Variants in CDC45 observed in about 807,000 individuals in gnomAD.
The protein encoded by CDC45 is cell division cycle 45.
A neutral mutation model predicts 77.8 loss-of-function variants in CDC45; 54 were observed. The observed-to-expected ratio is 0.69, with a 90% confidence interval of 0.56 to 0.87. The LOEUF (loss-of-function observed/expected upper bound fraction) is 0.87, where lower values mean the gene tolerates loss of function less well. Ranked by LOEUF, CDC45 falls within the 40% of genes least tolerant of loss-of-function variation. The pLI is 0.00. For synonymous variants in CDC45, 260 were observed against 272.1 expected (o/e 0.96, Z 0.44); for missense variants, 649 against 721.6 (o/e 0.90, Z 1.15).
Position 19,509,981 on chromosome 22 carries a change from A to G in CDC45, c.1217+1290A>G, listed in dbSNP as rs181339205. ...ATTTATTTTATTGTTATTTTTTTAG[A>G]GACAGGGTCTCGCTCTGTTGCCCAG... On this transcript the variant is annotated intron_variant, in intron 13 of 18. Transcript: ENST00000263201. 9.9e-5 allele frequency among the ~76,000 whole-genome samples: 15 copies of G among 152,228 alleles called. 1 individual carries two copies. In the East Asian group the frequency reaches 2.9e-3, roughly 29 times the overall value.
chr22:19,486,525 G>T (rs1027030079), intron 5 of CDC45, among the ~76,000 whole-genome samples: 1 of 151,810 alleles, frequency 6.6e-6, no homozygotes, highest in African/African-American at 2.4e-5. Flanking sequence ...GTTTCTTCAT[G>T]GAGTACTTTA....
intron 18 of CDC45, among the ~76,000 whole-genome samples, chr22:19,519,439 C>G (rs1340306942): frequency 1.3e-5 from 2 of 152,282 alleles, no homozygotes; most frequent in African/African-American, 4.8e-5. Context: ...TTGGGATTCA[C>G]TGGCAGGTCA....
chr22:19,507,247 G>A (rs1294159899), intron 10 of CDC45, 139 bp from the exon 11 acceptor site: 1 of 996,454 alleles, frequency 1.0e-6, no homozygotes, highest in African/African-American at 1.6e-5. Flanking sequence ...AAGGGCTCCA[G>A]GTCACTCTTG....
intron 9 of CDC45, among the ~76,000 whole-genome samples, chr22:19,501,654 C>T (rs1932905928): frequency 6.6e-6 from 1 of 152,130 alleles, no homozygotes; most frequent in Non-Finnish European, 1.5e-5. Flanking sequence ...TTTAAGTTTG[C>T]CTAGATTACT....
intron 8 of CDC45, among the ~76,000 whole-genome samples, chr22:19,498,640 G>T (rs144198795): frequency 7.4e-4 from 112 of 152,338 alleles, no homozygotes; most frequent in Non-Finnish European, 1.4e-3. Flanking sequence ...CACAACTAGG[G>T]CCCCCTGTGC....
intron 5 of CDC45, 56 bp from the exon 6 acceptor site, chr22:19,494,271 G>A: frequency 6.6e-7 from 1 of 1,514,480 alleles, no homozygotes; most frequent in South Asian, 1.2e-5. Context: ...TTGGGCTGTG[G>A]GGATAAATTC....
intron 9 of CDC45, among the ~76,000 whole-genome samples, chr22:19,500,612 G>A (rs1427960496): frequency 6.6e-6 from 1 of 152,094 alleles, no homozygotes; most frequent in Middle Eastern, 3.2e-3. Context: ...AGGACCCCAC[G>A]AGGAGCTGAC....
intron 6 of CDC45, among the ~76,000 whole-genome samples, 181 bp from the exon 7 acceptor site, chr22:19,495,798 GGA>G (rs2090231635): frequency 6.6e-6 from 1 of 152,062 alleles, no homozygotes; most frequent in Admixed American, 6.6e-5. Context: ...CTTCAGCCTG[GGA>G]GACATAGCAA....
chr22:19,503,302 A>G (rs1488259287), intron 9 of CDC45, among the ~76,000 whole-genome samples: 1 of 152,236 alleles, frequency 6.6e-6, no homozygotes, highest in Non-Finnish European at 1.5e-5. Flanking sequence ...GATGCAGCCC[A>G]GTGCCCAGCT....
At chr22:19,518,537 C>T (rs1479066899) in intron 17 of CDC45, among the ~76,000 whole-genome samples, 1 of 152,146 alleles carries the variant, frequency 6.6e-6, no homozygotes, top group Non-Finnish European at 1.5e-5. Context: ...GGGTTCATGC[C>T]AGCTGGGGTG....
At position 19,484,022 on chromosome 22, in the gene CDC45, C is replaced by T. The variant is rs772870688; in HGVS notation, c.486+17C>T. On this transcript the variant is annotated intron_variant, in intron 5 of 18. Coordinates refer to ENST00000263201, the MANE Select transcript of CDC45 (RefSeq NM_003504.5). ...TTAGAAGAGGTGAGTTTGGGTCTCT[C>T]ACAGCTATCCCAGAGGAACTTGCAC... The T allele has an allele frequency of 2.0e-5, 32 of 1,581,884 alleles. No individual in the cohort carries two copies. The highest frequency in any genetic ancestry group is 2.5e-5 in the Non-Finnish European group (29 of 1,170,022).
chr22:19,516,286 C>G, intron 15 of CDC45: 1 of 527,462 alleles, frequency 1.9e-6, no homozygotes, highest in Non-Finnish European at 3.4e-6. Context: ...AGCATCACAG[C>G]CACAGTACCA....
In CDC45 at chr22:19,508,672, G is replaced by T; in HGVS notation, c.1198G>T (p.Ala400Ser). ...CTCAGGGACAGATCACTTCATCCAGGCTCTGGACAGCCTCTCCAGGTAGCA... is the reference window on the plus strand; with the variant it reads ...CTCAGGGACAGATCACTTCATCCAGTCTCTGGACAGCCTCTCCAGGTAGCA... Reference protein sequence around the residue: ...DGSGTDHFIQALDSLSRSNLD... With the variant: ...DGSGTDHFIQSLDSLSRSNLD... The change falls in exon 13 of 19, where the codon GCT (alanine) becomes TCT (serine). Residue 400 changes from alanine to serine, a missense_variant. Ala to Ser is a moderately conservative substitution (Grantham distance 99). Coordinates refer to ENST00000263201, the MANE Select transcript of CDC45 (RefSeq NM_003504.5). The T allele has an allele frequency of 5.0e-6, 8 of 1,614,094 alleles. No homozygotes were observed. Among genetic ancestry groups the T allele is most frequent in the Non-Finnish European group, 6.8e-6 (8 of 1,180,004 alleles).
intron 1 of CDC45, 46 bp from the exon 2 acceptor site, chr22:19,480,112 C>T (rs755773508): frequency 1.2e-6 from 2 of 1,611,972 alleles, no homozygotes; most frequent in Admixed American, 3.3e-5. Context: ...AGGGGAGGGC[C>T]GGGGTTCGGG....
At chr22:19,508,923 T>A (rs1482018176) in intron 13 of CDC45, among the ~76,000 whole-genome samples, 1 of 152,222 alleles carries the variant, frequency 6.6e-6, no homozygotes, top group Non-Finnish European at 1.5e-5. Context: ...TCTTTTTGAT[T>A]TTTAAAATTT....
chr22:19,496,304 T>G (rs1368566584), intron 7 of CDC45, among the ~76,000 whole-genome samples: 1 of 152,230 alleles, frequency 6.6e-6, no homozygotes, highest in East Asian at 1.9e-4. Flanking sequence ...CGTTTATTTT[T>G]GTTCATCAAA....
chr22:19,518,599 A>G (rs972894843), intron 17 of CDC45, among the ~76,000 whole-genome samples: 2 of 151,792 alleles, frequency 1.3e-5, no homozygotes, highest in Non-Finnish European at 2.9e-5. Context: ...TGTCACCTCT[A>G]TTGTCTTCCC....
intron 7 of CDC45, among the ~76,000 whole-genome samples, 156 bp from the exon 8 acceptor site, chr22:19,497,230 T>C (rs2090258151): frequency 6.6e-6 from 1 of 152,232 alleles, no homozygotes; most frequent in Admixed American, 6.5e-5. Context: ...TCATCCCACA[T>C]GTCGGGCTGG....
chr22:19,509,284 G>T (rs1434735747), intron 13 of CDC45, among the ~76,000 whole-genome samples: 1 of 152,178 alleles, frequency 6.6e-6, no homozygotes, highest in African/African-American at 2.4e-5. Context: ...AGGAGGCTAA[G>T]GGGACACTTT....
Sources: gnomAD v4.1 joint callset for allele counts (sites outside exome capture counted in the v4.1 genomes callset) on GRCh38, gnomAD v4.1.1 for gene constraint, MANE v1.5 for transcripts, NCBI Gene and HGNC (gene_info 2026-07-23, HGNC 2026-07-21) for gene names.